Variants in RBFOX1 observed in about 807,000 individuals in gnomAD.
RBFOX1 encodes RNA binding protein fox-1 homolog 1.
Under a neutral mutation model 57.7 loss-of-function variants are expected in RBFOX1, and 8 were observed. The ratio of observed to expected loss-of-function variants is 0.14; its 90% confidence interval spans 0.08 to 0.25. The LOEUF (loss-of-function observed/expected upper bound fraction) is 0.25, where lower values mean the gene tolerates loss of function less well. Among genes scored for constraint, RBFOX1 ranks in the 10% least tolerant of loss-of-function variants. RBFOX1 has a pLI of 1.00. For synonymous variants in RBFOX1, 326 were observed against 222.4 expected (o/e 1.47, Z -4.15); for missense variants, 611 against 548.5 (o/e 1.11, Z -1.14).
At chr16:7,145,244 GC>G (rs1406730551) in intron 4 of RBFOX1, among the ~76,000 whole-genome samples, 3 of 152,054 alleles carry the variant, frequency 2.0e-5, no homozygotes, top group African/African-American at 7.2e-5. Flanking sequence ...TTGCTCTGTT[GC>G]CCAGGCTGGA....
In RBFOX1 at chr16:6,974,008, TTAAG is replaced by T. The variant is rs1243319858; in HGVS notation, c.-15-78044_-15-78041del. On this transcript the variant is annotated intron_variant, in intron 3 of 15. Transcript: ENST00000550418. ...TGTTCTCATTGTTCAGCTCTCACTTTTAAGTAAGAACATATAGTATTTGGTTTTC... is the reference window on the plus strand; with the variant it reads ...TGTTCTCATTGTTCAGCTCTCACTTTTAAGAACATATAGTATTTGGTTTTC... Among the ~76,000 whole-genome samples the T allele has an allele frequency of 2.0e-5, 3 of 152,300 alleles. No homozygotes were observed. In the South Asian group the frequency reaches 6.2e-4, roughly 32 times the overall value.
At chr16:5,398,874 A>C (rs544053471) in intron 1 of RBFOX1, among the ~76,000 whole-genome samples, 2 of 152,332 alleles carry the variant, frequency 1.3e-5, no homozygotes, top group African/African-American at 2.4e-5. Context: ...AACCCGCAGC[A>C]TCCAGGGACC....
At chr16:5,597,340 G>A (rs914208232) in intron 2 of RBFOX1, among the ~76,000 whole-genome samples, 1 of 143,222 alleles carries the variant, frequency 7.0e-6, no homozygotes, top group Admixed American at 7.2e-5. Flanking sequence ...AGACACACAC[G>A]ACCCTCTCTC....
At chr16:6,004,786 A>G (rs1259935187) in intron 4 of RBFOX1, among the ~76,000 whole-genome samples, 1 of 152,094 alleles carries the variant, frequency 6.6e-6, no homozygotes, top group East Asian at 1.9e-4. Context: ...AGTACTTTTT[A>G]TTGACATGCA....
At chr16:5,460,147 A>C (rs1333747690) in intron 1 of RBFOX1, among the ~76,000 whole-genome samples, 1 of 152,222 alleles carries the variant, frequency 6.6e-6, no homozygotes, top group African/African-American at 2.4e-5. Context: ...TAAAGTCGGC[A>C]CAATGCCAAA....
At chr16:6,102,506 T>C (rs1190662517) in intron 1 of RBFOX1, among the ~76,000 whole-genome samples, 1 of 152,128 alleles carries the variant, frequency 6.6e-6, no homozygotes, top group Non-Finnish European at 1.5e-5. Context: ...ACAGGAAAAG[T>C]TTCCTTTCAG....
intron 4 of RBFOX1, among the ~76,000 whole-genome samples, chr16:7,398,653 A>C (rs565539648): frequency 6.6e-6 from 1 of 152,188 alleles, no homozygotes; most frequent in Non-Finnish European, 1.5e-5. Flanking sequence ...CAGAGAGGCA[A>C]TTTTGAGCTT....
At chr16:6,848,368 T>C (rs1476482214) in intron 3 of RBFOX1, among the ~76,000 whole-genome samples, 2 of 152,128 alleles carry the variant, frequency 1.3e-5, no homozygotes, top group African/African-American at 4.8e-5. Context: ...ATTTATAGTT[T>C]TTGAATGTTA....
intron 2 of RBFOX1, among the ~76,000 whole-genome samples, chr16:6,457,303 A>C (rs985127525): frequency 3.3e-5 from 5 of 152,126 alleles, no homozygotes; most frequent in African/African-American, 1.2e-4. Flanking sequence ...TGGAGTGGCC[A>C]TAGGGTCCCT....
At chr16:5,972,033 C>T (rs1316788416) in intron 4 of RBFOX1, among the ~76,000 whole-genome samples, 1 of 152,224 alleles carries the variant, frequency 6.6e-6, no homozygotes, top group Non-Finnish European at 1.5e-5. Flanking sequence ...CGGACTCAAA[C>T]TGAAGCATGG....
At chr16:7,434,115 A>G (rs2098703535) in intron 4 of RBFOX1, among the ~76,000 whole-genome samples, 1 of 152,252 alleles carries the variant, frequency 6.6e-6, no homozygotes, top group Middle Eastern at 3.4e-3. Context: ...TTTGGAGAGC[A>G]CGGAGTAAAG....
chr16:6,925,936 T>G (rs1316029932), intron 3 of RBFOX1, among the ~76,000 whole-genome samples: 1 of 152,164 alleles, frequency 6.6e-6, no homozygotes, highest in East Asian at 1.9e-4. Context: ...ATTAATTTAT[T>G]TTAGTAACCT....
At chr16:5,887,924 C>T (rs934383238) in intron 4 of RBFOX1, among the ~76,000 whole-genome samples, 7 of 152,284 alleles carry the variant, frequency 4.6e-5, no homozygotes, top group Admixed American at 3.3e-4. Flanking sequence ...TTCCACTATT[C>T]TGAACAACAG....
At chr16:6,513,821 G>C (rs1466215222) in intron 2 of RBFOX1, among the ~76,000 whole-genome samples, 2 of 152,190 alleles carry the variant, frequency 1.3e-5, no homozygotes, top group Non-Finnish European at 2.9e-5. Context: ...GAGCCAATCA[G>C]TTCAAGCGAG....
At chr16:5,857,355 TAA>T (rs2057098016) in intron 3 of RBFOX1, among the ~76,000 whole-genome samples, 1 of 152,104 alleles carries the variant, frequency 6.6e-6, no homozygotes, top group Non-Finnish European at 1.5e-5. Flanking sequence ...GAAAAAATTT[TAA>T]ATATTGCAGG....
intron 11 of RBFOX1, among the ~76,000 whole-genome samples, chr16:7,631,447 A>T (rs1235584038): frequency 6.6e-6 from 1 of 152,204 alleles, no homozygotes; most frequent in Middle Eastern, 3.2e-3. Flanking sequence ...AGCAGGTAGA[A>T]GAATTAAAGC....
intron 2 of RBFOX1, among the ~76,000 whole-genome samples, chr16:6,640,712 G>A (rs1290615898): frequency 6.6e-6 from 1 of 152,138 alleles, no homozygotes; most frequent in African/African-American, 2.4e-5. Flanking sequence ...GCAAATACTT[G>A]TGACCCTCTA....
intron 2 of RBFOX1, among the ~76,000 whole-genome samples, chr16:6,427,400 C>T (rs980652349): frequency 6.6e-6 from 1 of 152,092 alleles, no homozygotes; most frequent in Non-Finnish European, 1.5e-5. Flanking sequence ...GCTGGTGGTA[C>T]AGGGAGTAGT....
chr16:5,772,138 C>G lies in RBFOX1; in HGVS notation c.319-95165C>G, dbSNP rs573093583. Among the ~76,000 whole-genome samples the G allele has an allele frequency of 2.0e-5, 3 of 152,284 alleles. No homozygotes were observed. In the South Asian group the frequency reaches 6.2e-4, roughly 32 times the overall value. On this transcript the variant is annotated intron_variant, in intron 3 of 19. Transcript: ENST00000641259. ...AATGAGCCGAGATCACACCAGCACA[C>G]TCCAGCCTGGGTGACAGAGCAAGAC...
Sources: allele counts gnomAD v4.1 joint callset (sites outside exome capture counted in the v4.1 genomes callset), GRCh38; gene constraint gnomAD v4.1.1; transcripts MANE v1.5; gene names NCBI Gene and HGNC (gene_info 2026-07-23, HGNC 2026-07-21).